Variants in ADGRB3 observed in about 807,000 individuals in gnomAD.
The protein encoded by ADGRB3 is brain-specific angiogenesis inhibitor 3.
In ADGRB3, 37 loss-of-function variants were observed where a neutral mutation model predicts 193.4. The ratio of observed to expected loss-of-function variants is 0.19; its 90% CI spans 0.15 to 0.25. The LOEUF is 0.25. ADGRB3 is among the 10% of genes least tolerant of loss of function. The pLI is 1.00. For missense variants in ADGRB3, 1,637 were observed against 1,852.9 expected, an observed-to-expected ratio of 0.88 and a Z score of 2.14; for synonymous variants, 690 against 644.2, an observed-to-expected ratio of 1.07 and a Z score of -1.08.
In ADGRB3 at chr6:68,737,474, T is replaced by C. The variant is rs115180413; in HGVS notation, c.757+98042T>C. Among the ~76,000 whole-genome samples the C allele has an allele frequency of 3.1e-3, 479 of 152,250 alleles. 5 individuals carry two copies. The highest frequency in any genetic ancestry group is 0.011 in the African/African-American group (469 of 41,546). On this transcript the variant is annotated intron_variant, in intron 3 of 31. Coordinates refer to ENST00000370598, the MANE Select transcript of ADGRB3 (RefSeq NM_001704.3). ...TCAATAATAAGTGTTTTGATTCCTT[T>C]GAGCTGGAATCAGAATTGAAGTTCA...
intron 3 of ADGRB3, among the ~76,000 whole-genome samples, chr6:68,695,636 C>T (rs986088920): frequency 1.3e-5 from 2 of 151,866 alleles, no homozygotes; most frequent in African/African-American, 2.4e-5. Context: ...AAGACTGGGA[C>T]CGGACATGAG....
intron 17 of ADGRB3, among the ~76,000 whole-genome samples, chr6:69,195,777 C>T (rs942961422): frequency 6.6e-6 from 1 of 152,250 alleles, no homozygotes; most frequent in East Asian, 1.9e-4. Flanking sequence ...ATCATAGTCT[C>T]TACCTTTCTG....
chr6:68,805,198 C>A (rs1371444366), intron 3 of ADGRB3, among the ~76,000 whole-genome samples: 1 of 152,138 alleles, frequency 6.6e-6, no homozygotes, highest in Admixed American at 6.5e-5. Flanking sequence ...GCTTTGGCCT[C>A]CCAAATTATT....
At chr6:69,355,774 G>A (rs1275947033) in intron 27 of ADGRB3, 47 bp from the exon 28 acceptor site, 6 of 1,440,946 alleles carry the variant, frequency 4.2e-6, no homozygotes, top group Non-Finnish European at 5.8e-6. Context: ...AGACACTTGA[G>A]GTCTTCATTA....
chr6:69,346,593 T>C (rs918088529), intron 26 of ADGRB3, among the ~76,000 whole-genome samples: 6 of 152,064 alleles, frequency 3.9e-5, no homozygotes, highest in Non-Finnish European at 8.8e-5. Context: ...CCAACAAACA[T>C]ATGAAAAATA....
At chr6:69,294,886 G>C (rs1767775715) in intron 20 of ADGRB3, among the ~76,000 whole-genome samples, 1 of 152,142 alleles carries the variant, frequency 6.6e-6, no homozygotes, top group Admixed American at 6.6e-5. Context: ...CCTGATTTCA[G>C]TGATAAAACT....
intron 8 of ADGRB3, among the ~76,000 whole-genome samples, chr6:68,969,326 T>C (rs1342641909): frequency 6.6e-6 from 1 of 152,166 alleles, no homozygotes; most frequent in Non-Finnish European, 1.5e-5. Flanking sequence ...AAAATAAGAA[T>C]ATCCATGGGT....
intron 17 of ADGRB3, among the ~76,000 whole-genome samples, chr6:69,208,282 A>C (rs955662343): frequency 6.6e-6 from 1 of 152,206 alleles, no homozygotes; most frequent in African/African-American, 2.4e-5. Flanking sequence ...GAGCATTCAT[A>C]TAAGATATTA....
chr6:68,830,955 T>TAAAA (rs35545206), intron 3 of ADGRB3, among the ~76,000 whole-genome samples: 1 of 145,574 alleles, frequency 6.9e-6, no homozygotes. Flanking sequence ...CAGAACAACT[T>TAAAA]AAAAAAAAAA....
rs549345665 is a variant in ADGRB3 at position 69,386,172 on chromosome 6, A to C, written c.4381-2531A>C. On this transcript the variant is annotated intron_variant, in intron 31 of 31. Coordinates refer to ENST00000370598, the MANE Select transcript of ADGRB3 (RefSeq NM_001704.3). Reference sequence around the variant, plus strand: ...GGAATTCAATAGGTCATGTAGTGACAATAATAGCATTTGAAATTAGAATAT... The same window carrying C: ...GGAATTCAATAGGTCATGTAGTGACCATAATAGCATTTGAAATTAGAATAT... 3.3e-5 allele frequency among the ~76,000 whole-genome samples: 5 copies of C among 152,242 alleles called. No individual in the cohort carries two copies. In the East Asian group the frequency reaches 9.7e-4, roughly 29 times the overall value.
chr6:69,360,262 T>A (rs557068382), intron 28 of ADGRB3, among the ~76,000 whole-genome samples: 98 of 152,050 alleles, frequency 6.4e-4, no homozygotes, highest in Middle Eastern at 3.4e-3. Context: ...TTCTTCCATA[T>A]AAAACTGAAT....
chr6:69,283,065 A>G (rs1287816935), intron 20 of ADGRB3, among the ~76,000 whole-genome samples: 1 of 152,204 alleles, frequency 6.6e-6, no homozygotes, highest in Admixed American at 6.5e-5. Context: ...GAATTTACAG[A>G]ATGATTGTGA....
chr6:69,281,591 A>C (rs1445727528), intron 20 of ADGRB3, among the ~76,000 whole-genome samples: 4 of 152,162 alleles, frequency 2.6e-5, no homozygotes, highest in Non-Finnish European at 5.9e-5. Flanking sequence ...CACCTGCTGC[A>C]CCTCAGCCTA....
chr6:68,653,303 G>T (rs1036867051), intron 3 of ADGRB3, among the ~76,000 whole-genome samples: 1 of 152,132 alleles, frequency 6.6e-6, no homozygotes, highest in Non-Finnish European at 1.5e-5. Context: ...GGTTGGTGGT[G>T]TCACTACAGC....
chr6:68,944,963 G>A (rs953717297), intron 6 of ADGRB3, among the ~76,000 whole-genome samples: 7 of 152,122 alleles, frequency 4.6e-5, no homozygotes, highest in African/African-American at 1.7e-4. Flanking sequence ...TGGGATCCCA[G>A]TACTGTTGTC....
At position 68,913,314 on chromosome 6, in the gene ADGRB3, C is replaced by T. The variant is rs376681908; in HGVS notation, c.758-17245C>T. On this transcript the variant is annotated intron_variant, in intron 3 of 31. Transcript: ENST00000370598. The stretch of plus-strand genomic sequence containing the variant: ...ACCCCCCAGTAAGGGCAGACTGACA[C>T]CTCACACGGCCGGGTACTCCTCTGA... Among the ~76,000 whole-genome samples the T allele has an allele frequency of 5.3e-5, 8 of 152,304 alleles. No homozygotes were observed. The East Asian group carries it at 9.7e-4, about 18-fold the overall frequency.
chr6:69,037,133 A>G (rs1375145234), intron 13 of ADGRB3, among the ~76,000 whole-genome samples: 3 of 152,070 alleles, frequency 2.0e-5, no homozygotes, highest in Non-Finnish European at 4.4e-5. Context: ...AGGGGGCGAA[A>G]ATATCAATAG....
At chr6:69,335,291 AATT>A (rs1240504366) in intron 24 of ADGRB3, among the ~76,000 whole-genome samples, 1 of 152,088 alleles carries the variant, frequency 6.6e-6, no homozygotes, top group Non-Finnish European at 1.5e-5. Flanking sequence ...TGAATTTAGA[AATT>A]ATCCATTCCA....
intron 3 of ADGRB3, among the ~76,000 whole-genome samples, chr6:68,769,343 A>G (rs1037186182): frequency 1.8e-4 from 28 of 152,258 alleles, no homozygotes; most frequent in Admixed American, 1.3e-3. Flanking sequence ...TATACACCAT[A>G]GAATACTATG....
Sources: allele counts gnomAD v4.1 joint callset (sites outside exome capture counted in the v4.1 genomes callset), GRCh38; gene constraint gnomAD v4.1.1; transcripts MANE v1.5; gene names NCBI Gene and HGNC (gene_info 2026-07-23, HGNC 2026-07-21).